Variants in LNPEP observed in about 807,000 individuals in gnomAD.
LNPEP encodes the protein leucyl-cystinyl aminopeptidase.
Under a neutral mutation model 120.6 loss-of-function variants are expected in LNPEP, and 64 were observed. That is an observed-to-expected ratio of 0.53 (90% confidence interval 0.43 to 0.65). The LOEUF is 0.65. Ranked by LOEUF, LNPEP falls within the 30% of genes least tolerant of loss-of-function variation. LNPEP has a pLI of 0.00. For missense variants in LNPEP, 1,057 were observed against 1,200.0 expected, an observed-to-expected ratio of 0.88 and a Z score of 1.76; for synonymous variants, 435 against 425.4, an observed-to-expected ratio of 1.02 and a Z score of -0.28.
chr5:96,976,703 A>G (rs1365729209), intron 1 of LNPEP, among the ~76,000 whole-genome samples: 1 of 152,056 alleles, frequency 6.6e-6, no homozygotes, highest in Non-Finnish European at 1.5e-5. Flanking sequence ...TAATCTTCCC[A>G]TGTGTGGTAA....
At chr5:97,016,934 T>C (rs936827243) in intron 13 of LNPEP, among the ~76,000 whole-genome samples, 1 of 152,184 alleles carries the variant, frequency 6.6e-6, no homozygotes, top group African/African-American at 2.4e-5. Flanking sequence ...ATTTGTAGTT[T>C]GGAGCTATCA....
intron 15 of LNPEP, among the ~76,000 whole-genome samples, chr5:97,026,157 G>C (rs1791335123): frequency 6.6e-6 from 1 of 152,062 alleles, no homozygotes. Context: ...ACATTATTTA[G>C]TACATAGTGT....
Position 96,996,373 on chromosome 5 carries a change from G to A in LNPEP, c.1408-17G>A, listed in dbSNP as rs375354245. ...GCTGTAAATATCCTGTGGGTTAATT[G>A]TTTTCTCTCCCCCCAGTGGTTTGGC... On this transcript the variant is annotated splice_polypyrimidine_tract_variant and intron_variant, in intron 6 of 17. Transcript: ENST00000231368. 8.2e-5 allele frequency: 113 copies of A among 1,374,678 alleles called. No homozygotes were observed. The highest frequency in any genetic ancestry group is 1.4e-4 in the East Asian group (6 of 41,882). 85.2% of individuals were successfully genotyped at this position (1,374,678 alleles called of 1,614,324 possible).
Position 97,012,050 on chromosome 5 carries a change from T to C in LNPEP, c.2036-1598T>C, listed in dbSNP as rs117961623. 4.6e-5 allele frequency among the ~76,000 whole-genome samples: 7 copies of C among 152,298 alleles called. No individual in the cohort carries two copies. The East Asian group carries it at 1.3e-3, about 29-fold the overall frequency. On this transcript the variant is annotated intron_variant, in intron 11 of 17. Transcript: ENST00000231368. ...AATCTTTAGGTTGAAAACATATTTATAAAGCATTTTATATAAAAAACCTTC... is the reference window on the plus strand; with the variant it reads ...AATCTTTAGGTTGAAAACATATTTACAAAGCATTTTATATAAAAAACCTTC...
chr5:97,003,303 C>A, intron 8 of LNPEP, 112 bp from the exon 9 acceptor site: 1 of 614,518 alleles, frequency 1.6e-6, no homozygotes, highest in Non-Finnish European at 2.7e-6. Context: ...CTAAGTTCTA[C>A]ATATGAAAGT....
At chr5:97,020,183 A>G (rs1791159710) in intron 13 of LNPEP, among the ~76,000 whole-genome samples, 2 of 152,194 alleles carry the variant, frequency 1.3e-5, no homozygotes, top group African/African-American at 4.8e-5. Context: ...CATTGCTAGG[A>G]TAATGGTCTT....
chr5:96,960,983 G>A (rs1294925499), intron 1 of LNPEP, among the ~76,000 whole-genome samples: 2 of 151,674 alleles, frequency 1.3e-5, no homozygotes, highest in African/African-American at 2.4e-5. Flanking sequence ...AATGATTTTT[G>A]TTGTTCTGGT....
chr5:97,009,081 C>T (rs1442840090), intron 11 of LNPEP, among the ~76,000 whole-genome samples: 1 of 152,048 alleles, frequency 6.6e-6, no homozygotes, highest in Non-Finnish European at 1.5e-5. Flanking sequence ...GTGCTTTTGC[C>T]GCACAAAAAT....
chr5:96,936,320 T>G, intron 1 of LNPEP, 146 bp downstream of exon 1: 2 of 384,024 alleles, frequency 5.2e-6, no homozygotes, highest in East Asian at 6.1e-5. Context: ...GGAGAGGGGA[T>G]CTGGGGGAGG....
intron 11 of LNPEP, among the ~76,000 whole-genome samples, chr5:97,011,420 A>T (rs1790924936): frequency 6.6e-6 from 1 of 152,024 alleles, no homozygotes; most frequent in African/African-American, 2.4e-5. Flanking sequence ...TGTAAAGATG[A>T]TGTCTCACTA....
At chr5:97,001,753 G>A (rs76786753) in intron 8 of LNPEP, among the ~76,000 whole-genome samples, 5,707 of 152,236 alleles carry the variant, frequency 0.037, 184 homozygotes, top group Middle Eastern at 0.11. Flanking sequence ...AGGAGCAGGT[G>A]ATCAGTTATA....
intron 12 of LNPEP, 48 bp from the exon 13 acceptor site, chr5:97,014,891 T>C (rs1292406974): frequency 7.4e-7 from 1 of 1,354,858 alleles, no homozygotes; most frequent in Non-Finnish European, 9.8e-7. Context: ...CATAGACTTC[T>C]TCTGTGTGTC....
chr5:96,954,772 ATTTTTTTTTTTTTT>A (rs1160402498), intron 1 of LNPEP, among the ~76,000 whole-genome samples: 1 of 27,110 alleles, frequency 3.7e-5, no homozygotes, highest in East Asian at 1.2e-3. Context: ...ATATATATAT[ATTTTTTTTTTTTTT>A]TTTTTTTTTT....
intron 1 of LNPEP, among the ~76,000 whole-genome samples, chr5:96,967,223 A>C (rs1789748026): frequency 1.3e-5 from 2 of 152,156 alleles, no homozygotes; most frequent in Non-Finnish European, 2.9e-5. Context: ...GTGTCTCTAA[A>C]GGCCATGTTC....
intron 1 of LNPEP, among the ~76,000 whole-genome samples, chr5:96,946,993 A>T (rs1252916751): frequency 6.6e-6 from 1 of 152,204 alleles, no homozygotes; most frequent in African/African-American, 2.4e-5. Flanking sequence ...TGTCTAATGT[A>T]ATTTTTCATT....
intron 4 of LNPEP, among the ~76,000 whole-genome samples, chr5:96,991,641 A>G (rs1370618032): frequency 1.3e-5 from 2 of 151,944 alleles, no homozygotes; most frequent in African/African-American, 4.8e-5. Context: ...TCCTTAGCCT[A>G]TTTTTTGATG....
Position 97,015,101 on chromosome 5 carries a change from T to C in LNPEP, c.2376+6T>C, listed in dbSNP as rs772007315. 33 of 1,526,066 alleles carry C rather than the reference T, an allele frequency of 2.2e-5. 2 individuals carry two copies. Among genetic ancestry groups the C allele is most frequent in the Middle Eastern group, 3.5e-4 (2 of 5,758 alleles). 94.5% of individuals were successfully genotyped at this position (1,526,066 alleles called of 1,614,324 possible). ...ATCTGGCCTCAAGACTGGTGGTAAG[T>C]CTGCCTTTTTGCCAGCTTCTTGCTG... On this transcript the variant is annotated splice_donor_region_variant and intron_variant, in intron 13 of 17. Transcript: ENST00000231368.
At chr5:97,014,621 T>C (rs1333580492) in intron 12 of LNPEP, among the ~76,000 whole-genome samples, 1 of 152,122 alleles carries the variant, frequency 6.6e-6, no homozygotes, top group African/African-American at 2.4e-5. Flanking sequence ...AACTAATTAA[T>C]AAATAAAATT....
At chr5:96,965,503 AC>A (rs1789705323) in intron 1 of LNPEP, among the ~76,000 whole-genome samples, 1 of 152,096 alleles carries the variant, frequency 6.6e-6, no homozygotes, top group East Asian at 1.9e-4. Context: ...CTGATACATA[AC>A]TCAGTTTTCA....
Sources: gnomAD v4.1 joint callset for allele counts (sites outside exome capture counted in the v4.1 genomes callset) on GRCh38, gnomAD v4.1.1 for gene constraint, MANE v1.5 for transcripts, NCBI Gene and HGNC (gene_info 2026-07-23, HGNC 2026-07-21) for gene names.